Variants in CCDC158 observed in about 807,000 individuals in gnomAD.
The protein encoded by CCDC158 is coiled-coil domain containing 158.
In CCDC158, 116 loss-of-function variants were observed where a neutral mutation model predicts 138.6. The observed-to-expected ratio is 0.84, with a 90% CI of 0.72 to 0.98. The LOEUF is 0.98. Ranked by LOEUF, CCDC158 falls within the 50% of genes least tolerant of loss-of-function variation. The pLI, the probability that CCDC158 is intolerant of heterozygous loss-of-function variation, is 0.00. For missense variants in CCDC158, 1,265 were observed against 1,306.1 expected (o/e 0.97, Z 0.48); for synonymous variants, 436 against 442.4 (o/e 0.99, Z 0.18).
intron 2 of CCDC158, chr4:76,407,280 C>G (rs987280448): frequency 2.6e-5 from 4 of 152,040 alleles, no homozygotes; most frequent in Admixed American, 2.6e-4. Flanking sequence ...AACGATAGAA[C>G]ATATCTACCT....
intron 1 of CCDC158, among the ~76,000 whole-genome samples, chr4:76,415,818 T>G (rs777458555): frequency 1.3e-5 from 2 of 152,166 alleles, no homozygotes; most frequent in Non-Finnish European, 2.9e-5. Context: ...CATTTTCAAG[T>G]GGACTGTGGT....
At chr4:76,410,060 C>T (rs1729172482) in intron 2 of CCDC158, among the ~76,000 whole-genome samples, 1 of 152,134 alleles carries the variant, frequency 6.6e-6, no homozygotes, top group Admixed American at 6.5e-5. Flanking sequence ...AGTCGAAAGG[C>T]CCTGGTGGAT....
intron 18 of CCDC158, among the ~76,000 whole-genome samples, chr4:76,338,059 G>A (rs1455150166): frequency 1.3e-5 from 2 of 152,220 alleles, no homozygotes; most frequent in African/African-American, 4.8e-5. Context: ...TGTCAGATCA[G>A]GGGTGGCATT....
chr4:76,319,042 G>A (rs1305087574), intron 24 of CCDC158, among the ~76,000 whole-genome samples: 12 of 152,230 alleles, frequency 7.9e-5, no homozygotes, highest in African/African-American at 2.6e-4. Context: ...GGAGGCTGGG[G>A]TGGGCAGATC....
chr4:76,354,386 T>C (rs975080913), intron 15 of CCDC158, among the ~76,000 whole-genome samples: 2 of 152,106 alleles, frequency 1.3e-5, no homozygotes, highest in South Asian at 4.1e-4. Flanking sequence ...TAGCTGCAAA[T>C]ACTCTGAAGT....
rs760759641 is a variant in CCDC158 at position 76,369,569 on chromosome 4, G to A, written c.1204C>T (p.Arg402Cys). The A allele has an allele frequency of 3.0e-5, 48 of 1,613,980 alleles. No individual in the cohort carries two copies. The highest frequency in any genetic ancestry group is 1.9e-4 in the South Asian group (17 of 91,086). The change falls in exon 11 of 25, where the codon CGT (arginine) becomes TGT (cysteine). Residue 402 changes from arginine to cysteine, a missense_variant. Transcript: ENST00000682701. Reference sequence around the variant, plus strand: ...TTGCCTGTGTCTCGGTCCCACAGACGCTTATTCTGCTCCTTCTCCAGACTC... The same window carrying A: ...TTGCCTGTGTCTCGGTCCCACAGACACTTATTCTGCTCCTTCTCCAGACTC... ...ELSLEKEQNK[R>C]LWDRDTGNSI...
intron 18 of CCDC158, among the ~76,000 whole-genome samples, chr4:76,346,269 A>C (rs907463261): frequency 6.6e-5 from 10 of 152,256 alleles, no homozygotes; most frequent in Non-Finnish European, 1.3e-4. Context: ...GTAAGACCTA[A>C]AACCATAAAA....
chr4:76,331,080 A>T (rs1487290082), intron 21 of CCDC158, among the ~76,000 whole-genome samples: 1 of 152,178 alleles, frequency 6.6e-6, no homozygotes, highest in Non-Finnish European at 1.5e-5. Flanking sequence ...CATAATTGTT[A>T]ATATATATAG....
At chr4:76,412,948 T>A (rs1171871611) in intron 1 of CCDC158, among the ~76,000 whole-genome samples, 1 of 152,202 alleles carries the variant, frequency 6.6e-6, no homozygotes. Context: ...TTTCTCCAGG[T>A]ACAGTCCAAA....
At position 76,362,332 on chromosome 4, in the gene CCDC158, A is replaced by G. The variant is rs777510644; in HGVS notation, c.1831-17T>C. On this transcript the variant is annotated splice_polypyrimidine_tract_variant and intron_variant, in intron 12 of 24. Transcript: ENST00000682701. ...TTTTAATATCTAAATATATGGATAAATACAAAGGATAGAGAAGTAAAAAAT... is the reference window on the plus strand; with the variant it reads ...TTTTAATATCTAAATATATGGATAAGTACAAAGGATAGAGAAGTAAAAAAT... 52 of 1,582,050 alleles carry G rather than the reference A, an allele frequency of 3.3e-5. No individual in the cohort carries two copies. The highest frequency in any genetic ancestry group is 3.9e-5 in the Non-Finnish European group (45 of 1,156,044).
At chr4:76,357,900 C>G (rs1723735259) in intron 13 of CCDC158, among the ~76,000 whole-genome samples, 2 of 152,094 alleles carry the variant, frequency 1.3e-5, no homozygotes. Flanking sequence ...TAACCTGAGG[C>G]TGCCATCTGT....
At chr4:76,381,245 G>A (rs1726215233) in intron 8 of CCDC158, among the ~76,000 whole-genome samples, 1 of 152,222 alleles carries the variant, frequency 6.6e-6, no homozygotes, top group Non-Finnish European at 1.5e-5. Flanking sequence ...CAGGCAGCTT[G>A]CACTGTGCAC....
intron 18 of CCDC158, among the ~76,000 whole-genome samples, chr4:76,337,258 C>G (rs898591186): frequency 6.6e-6 from 1 of 151,978 alleles, no homozygotes; most frequent in Non-Finnish European, 1.5e-5. Flanking sequence ...CCAAAGTGCT[C>G]CCATGTGAAC....
intron 24 of CCDC158, among the ~76,000 whole-genome samples, chr4:76,318,541 G>A (rs536289763): frequency 4.6e-5 from 7 of 152,008 alleles, no homozygotes; most frequent in Non-Finnish European, 1.0e-4. Flanking sequence ...ACAAAAAGAA[G>A]TCCAAGACCA....
chr4:76,413,242 G>T (rs2109915316), intron 1 of CCDC158, among the ~76,000 whole-genome samples: 1 of 152,148 alleles, frequency 6.6e-6, no homozygotes, highest in African/African-American at 2.4e-5. Flanking sequence ...GGGAGGCCAA[G>T]GAGGGATAAT....
rs767429454 is a variant in CCDC158, at chr4:76,326,049, GAATT to G, written c.3011-38_3011-35del. ...TTGCAAGAATAAAAGTAAAAGGACA[GAATT>G]AATTAAAAATAGCAAACTGCACCTC... is the stretch of plus-strand genomic sequence containing the variant. On this transcript the variant is annotated intron_variant, in intron 22 of 24. Coordinates refer to ENST00000682701, the MANE Select transcript of CCDC158 (RefSeq NM_001394954.1). 14 of 1,569,404 alleles carry G rather than the reference GAATT, an allele frequency of 8.9e-6. No homozygotes were observed. The East Asian group carries it at 1.4e-4, about 15-fold the overall frequency.
chr4:76,354,276 T>C (rs1481092961), intron 15 of CCDC158, among the ~76,000 whole-genome samples: 1 of 134,456 alleles, frequency 7.4e-6, no homozygotes, highest in African/African-American at 2.8e-5. Flanking sequence ...AAAAAGTGAA[T>C]TCAGGATAAG....
chr4:76,348,851 G>A (rs1035185703), intron 18 of CCDC158, among the ~76,000 whole-genome samples: 46 of 152,074 alleles, frequency 3.0e-4, no homozygotes, highest in African/African-American at 7.2e-4. Flanking sequence ...CAATTAATAC[G>A]TGTGTTAGAG....
intron 20 of CCDC158, 99 bp from the exon 21 acceptor site, chr4:76,331,502 G>A (rs1721008696): frequency 1.1e-5 from 10 of 926,768 alleles, no homozygotes; most frequent in South Asian, 2.8e-5. Flanking sequence ...TCTTATGTAG[G>A]GTGAAATGGT....
Sources: gnomAD v4.1 joint callset for allele counts (sites outside exome capture counted in the v4.1 genomes callset) on GRCh38, gnomAD v4.1.1 for gene constraint, MANE v1.5 for transcripts, NCBI Gene and HGNC (gene_info 2026-07-23, HGNC 2026-07-21) for gene names.